MYO1C: variants seen among roughly 807,000 people sequenced by gnomAD.
MYO1C encodes myosin IC, also known as unconventional myosin-Ic.
Under a neutral mutation model 150.8 loss-of-function variants are expected in MYO1C, and 104 were observed. That is an observed-to-expected ratio of 0.69 (90% confidence interval 0.59 to 0.81). The LOEUF (loss-of-function observed/expected upper bound fraction) is 0.81. Ranked by LOEUF, MYO1C falls within the 30% of genes least tolerant of loss-of-function variation. MYO1C has a pLI of 0.00. For missense variants in MYO1C, 1,504 were observed against 1,435.0 expected, an observed-to-expected ratio of 1.05 and a Z score of -0.78; for synonymous variants, 663 against 579.9, an observed-to-expected ratio of 1.14 and a Z score of -2.06.
chr17:1,473,300 C>T (rs762235376), intron 17 of MYO1C, among the ~76,000 whole-genome samples: 17 of 151,916 alleles, frequency 1.1e-4, no homozygotes, highest in Admixed American at 6.6e-4. Context: ...ACCAAGGGCC[C>T]GTTTGTTATA....
chr17:1,483,174 G>T, intron 3 of MYO1C, 115 bp from the exon 4 acceptor site: 1 of 1,059,420 alleles, frequency 9.4e-7, no homozygotes, highest in Non-Finnish European at 1.4e-6. Flanking sequence ...CACCCTTGAG[G>T]ATGGGGACTG....
intron 17 of MYO1C, among the ~76,000 whole-genome samples, chr17:1,472,601 T>G (rs890386830): frequency 3.3e-5 from 5 of 152,210 alleles, no homozygotes; most frequent in Admixed American, 2.6e-4. Flanking sequence ...TATGCTGCTC[T>G]GCGGGACCTG....
chr17:1,485,542 C>T (rs1273821037), intron 1 of MYO1C, among the ~76,000 whole-genome samples: 13 of 152,140 alleles, frequency 8.5e-5, no homozygotes, highest in Admixed American at 8.5e-4. Context: ...CCGCCCTCCC[C>T]GCCTCGGCCT....
Position 1,470,439 on chromosome 17 carries a change from G to C in MYO1C, c.2362C>G (p.Arg788Gly). The C allele has an allele frequency of 1.3e-6, 2 of 1,550,426 alleles. No homozygotes were observed. The highest frequency in any genetic ancestry group is 1.7e-6 in the Non-Finnish European group (2 of 1,147,042). ...AKRKWAAQTI[R>G]RLIRGFVLRH... ...ACAAGGCACCCTGGCGCTCACCGCC[G>C]GATGGTCTGTGCCGCCCACTTCCTC... Residue 788 changes from arginine (R) to glycine (G), a missense_variant, in exon 23 of 32, where the codon CGG becomes GGG. Physicochemically the swap from Arg to Gly is moderately radical, Grantham distance 125 (BLOSUM62 -2). Coordinates refer to ENST00000648651, the MANE Select transcript of MYO1C (RefSeq NM_001080779.2).
At chr17:1,483,523 G>A in intron 3 of MYO1C, 87 bp downstream of exon 3, 1 of 970,442 alleles carries the variant, frequency 1.0e-6, no homozygotes, top group Non-Finnish European at 1.6e-6. Context: ...GGGACGCCAG[G>A]ATCATTTCAG....
At chr17:1,485,409 C>A (rs1318851328) in intron 1 of MYO1C, 5 of 810,206 alleles carry the variant, frequency 6.2e-6, no homozygotes, top group African/African-American at 1.9e-5. Context: ...GCTCCAATCC[C>A]GCGCCGAAGC....
chr17:1,465,856 G>A (rs2074159390), intron 31 of MYO1C, 104 bp from the exon 32 acceptor site: 3 of 833,908 alleles, frequency 3.6e-6, no homozygotes, highest in African/African-American at 1.7e-5. Flanking sequence ...TATGGAGAAT[G>A]GGGTCTCGCT....
At chr17:1,489,423 C>T (rs2074705009) in intron 1 of MYO1C, among the ~76,000 whole-genome samples, 1 of 152,204 alleles carries the variant, frequency 6.6e-6, no homozygotes, top group Non-Finnish European at 1.5e-5. Flanking sequence ...ACCTGTAACC[C>T]CAGAACTTTG....
At chr17:1,485,845 T>TTCCCCGGCC (rs1180494478) in intron 1 of MYO1C, 2 of 378,880 alleles carry the variant, frequency 5.3e-6, no homozygotes, top group Non-Finnish European at 7.3e-6. Flanking sequence ...AGCGCGGGGC[T>TTCCCCGGCC]TCCCCGGCCT....
In MYO1C at chr17:1,484,436, C is replaced by T. The variant is rs1264998889; in HGVS notation, c.76-133G>A. Reference sequence around the variant, plus strand: ...GGCTAGACACGGGACATGAGCATGACGGGTGCGGGGGGCCTGGGTGCTGAG... The same window carrying T: ...GGCTAGACACGGGACATGAGCATGATGGGTGCGGGGGGCCTGGGTGCTGAG... On this transcript the variant is annotated intron_variant, in intron 1 of 31. Coordinates refer to ENST00000648651, the MANE Select transcript of MYO1C (RefSeq NM_001080779.2). The T allele has an allele frequency of 5.6e-5, 64 of 1,135,540 alleles. 1 individual carries two copies. The highest frequency in any genetic ancestry group is 4.6e-4 in the East Asian group (18 of 38,752). 70.3% of individuals were successfully genotyped at this position (1,135,540 alleles called of 1,614,324 possible). A position where few individuals can be genotyped will look rare whatever the true frequency, so the allele number is the denominator to read the frequency against.
At chr17:1,487,205 T>C (rs2358973) in intron 1 of MYO1C, 136,771 of 152,542 alleles carry the variant, frequency 0.9, 62,608 homozygotes, top group African/African-American at 0.98. Context: ...GACGCTCATT[T>C]CTCACTTGCT....
intron 1 of MYO1C, chr17:1,484,759 G>A (rs2074615961): frequency 2.8e-6 from 1 of 363,332 alleles, no homozygotes; most frequent in South Asian, 2.1e-5. Flanking sequence ...AAAGGAGGAG[G>A]AGTTGAGTTA....
Position 1,485,712 on chromosome 17 carries a change from C to T in MYO1C, c.76-1409G>A, listed in dbSNP as rs139514137. 5,361 of 1,181,660 alleles carry T rather than the reference C, an allele frequency of 4.5e-3. 363 individuals carry two copies. In the East Asian group the frequency reaches 0.16, roughly 35 times the overall value. The allele number at this position is 1,181,660 out of a possible 1,614,324, so 73.2% of individuals were successfully genotyped here. ...GGCTCACCGACGCCCGGTAGCGCAT[C>T]CTGCCCGGCCGGCCTGGCGCCCGCT... On this transcript the variant is annotated intron_variant, in intron 1 of 31. Coordinates refer to ENST00000648651, the MANE Select transcript of MYO1C (RefSeq NM_001080779.2).
At chr17:1,470,830 G>C in intron 21 of MYO1C, 141 bp from the exon 22 acceptor site, 3 of 947,678 alleles carry the variant, frequency 3.2e-6, no homozygotes, top group South Asian at 1.4e-5. Flanking sequence ...GAAGAAGAAT[G>C]AATGTGGGGA....
At chr17:1,474,301 G>A (rs968383735) in intron 17 of MYO1C, among the ~76,000 whole-genome samples, 3 of 151,968 alleles carry the variant, frequency 2.0e-5, no homozygotes, top group African/African-American at 7.3e-5. Flanking sequence ...GGTGGCAGGC[G>A]CCTGTAATCC....
Position 1,474,833 on chromosome 17 carries a change from A to G in MYO1C, c.1695T>C (p.Leu565=). 6.2e-7 allele frequency: 1 copy of G among 1,612,548 alleles called. No individual in the cohort carries two copies. The highest frequency in any genetic ancestry group is 1.3e-5 in the African/African-American group (1 of 74,486). The change falls in exon 16 of 32, where the codon CTT becomes CTC. Residue 565 remains leucine (L), a synonymous_variant. Transcript: ENST00000648651. Reference sequence around the variant, plus strand: ...TCACCTCCTTAAGGTTCCGGAAGAGAAGGTCATTGTTTTTGTCCAGAAACC... The same window carrying G: ...TCACCTCCTTAAGGTTCCGGAAGAGGAGGTCATTGTTTTTGTCCAGAAACC... ...VTGFLDKNND[L]LFRNLKETMC...
At chr17:1,484,391 G>A (rs937503757) in intron 1 of MYO1C, 88 bp from the exon 2 acceptor site, 15 of 1,499,978 alleles carry the variant, frequency 1.0e-5, no homozygotes, top group African/African-American at 8.3e-5. Context: ...GAGAGGGAAC[G>A]TAGGGGCTTG....
At chr17:1,475,667 A>G (rs1409436143) in intron 14 of MYO1C, among the ~76,000 whole-genome samples, 1 of 152,244 alleles carries the variant, frequency 6.6e-6, no homozygotes, top group Non-Finnish European at 1.5e-5. Context: ...CCAAGAGAGC[A>G]CTTAAGTCTT....
At position 1,471,288 on chromosome 17, in the gene MYO1C, C is replaced by A. The variant is rs760133195; in HGVS notation, c.2070G>T (p.Pro690=). 6.2e-7 allele frequency: 1 copy of A among 1,614,010 alleles called. No individual in the cohort carries two copies. The highest frequency in any genetic ancestry group is 8.5e-7 in the Non-Finnish European group (1 of 1,180,010). ...GGACCAGCACAGCCACCCCATCCTG[C>A]GGCCGTCCTGCCCACGTGGGCCACG... is the stretch of plus-strand genomic sequence containing the variant. ...PETWPTWAGR[P]QDGVAVLVRH... The change falls in exon 20 of 32, where the codon CCG becomes CCT. Residue 690 remains proline, a synonymous_variant. Coordinates refer to ENST00000648651, the MANE Select transcript of MYO1C (RefSeq NM_001080779.2).
Sources: allele counts gnomAD v4.1 joint callset (sites outside exome capture counted in the v4.1 genomes callset), GRCh38; gene constraint gnomAD v4.1.1; transcripts MANE v1.5; gene names NCBI Gene and HGNC (gene_info 2026-07-23, HGNC 2026-07-21).